MTURN: variants seen among roughly 807,000 people sequenced by gnomAD.
The protein encoded by MTURN is maturin, neural progenitor differentiation regulator homolog.
MTURN carries 7 observed loss-of-function variants against 14.9 expected under a neutral mutation model. The ratio of observed to expected loss-of-function variants is 0.47; its 90% CI spans 0.27 to 0.88. MTURN has a LOEUF of 0.88. MTURN is among the 40% of genes least tolerant of loss of function. MTURN has a pLI of 0.14. For synonymous variants in MTURN, 69 were observed against 72.5 expected (o/e 0.95, Z 0.25); for missense variants, 151 against 174.1 (o/e 0.87, Z 0.75).
At chr7:30,153,510 G>A (rs1225257802) in intron 2 of MTURN, among the ~76,000 whole-genome samples, 1 of 152,184 alleles carries the variant, frequency 6.6e-6, no homozygotes, top group Non-Finnish European at 1.5e-5. Flanking sequence ...TGTGAAGTCT[G>A]CTGTCAGATC....
chr7:30,155,620 G>C (rs993029702), intron 2 of MTURN, among the ~76,000 whole-genome samples: 16 of 152,220 alleles, frequency 1.1e-4, no homozygotes, highest in Admixed American at 1.0e-3. Flanking sequence ...TACATCCGCA[G>C]AGTCTCTGAG....
intron 2 of MTURN, among the ~76,000 whole-genome samples, chr7:30,149,438 G>C (rs531578289): frequency 6.6e-6 from 1 of 152,296 alleles, no homozygotes; most frequent in Non-Finnish European, 1.5e-5. Context: ...GGGCAAGGCT[G>C]GTGGGAGGCA....
At chr7:30,149,529 G>A (rs1194666774) in intron 2 of MTURN, among the ~76,000 whole-genome samples, 1 of 152,138 alleles carries the variant, frequency 6.6e-6, no homozygotes, top group East Asian at 1.9e-4. Context: ...GAATGAGAGG[G>A]AGCGTCACAA....
rs577619629 is a variant in MTURN, at chr7:30,159,093, C to T, written c.*1545C>T. On this transcript the variant is annotated 3_prime_UTR_variant, in exon 3 of 3. Transcript: ENST00000324453. ...ACAGCGTACTCCAGTTTTAAGTCAT[C>T]GGGTAAAATAATAGGACAGTGATTT... 8.5e-5 allele frequency: 13 copies of T among 152,290 alleles called. No individual in the cohort carries two copies. Among genetic ancestry groups the T allele is most frequent in the African/African-American group, 2.4e-4 (10 of 41,548 alleles). The allele number at this position is 152,290 out of a possible 1,614,324, so 9.4% of individuals were successfully genotyped here.
At position 30,160,421 on chromosome 7, in the gene MTURN, A is replaced by T. The variant is rs184362894; in HGVS notation, c.*2873A>T. ...ATGGCTTTTCTTTGTGCTGTGGCAG[A>T]CTGGGGCTTTGGAAGTGGTGTATGT... On this transcript the variant is annotated 3_prime_UTR_variant, in exon 3 of 3. Coordinates refer to ENST00000324453, the MANE Select transcript of MTURN (RefSeq NM_152793.3). 6.6e-6 allele frequency: 1 copy of T among 152,434 alleles called. No individual in the cohort carries two copies. 9.4% of individuals were successfully genotyped at this position (152,434 alleles called of 1,614,324 possible). A position where few individuals can be genotyped will look rare whatever the true frequency, so the allele number is the denominator to read the frequency against.
intron 2 of MTURN, 50 bp from the exon 3 acceptor site, chr7:30,157,388 G>C: frequency 6.7e-7 from 1 of 1,490,030 alleles, no homozygotes; most frequent in Non-Finnish European, 9.0e-7. Context: ...CTTCCTGCCT[G>C]TGGGCCATTT....
intron 2 of MTURN, among the ~76,000 whole-genome samples, chr7:30,149,064 G>A (rs1248530445): frequency 3.3e-5 from 5 of 152,154 alleles, no homozygotes; most frequent in African/African-American, 2.4e-5. Context: ...ACCTGGGAAG[G>A]GGAGCTCCAG....
rs117031651 is a variant in MTURN, at chr7:30,141,508, A to G, written c.163-4669A>G. On this transcript the variant is annotated intron_variant, in intron 1 of 2. Transcript: ENST00000324453. ...TCTTTTTCTGCCATCTGTTTCCAGG[A>G]CAAGAATCAGGGTTTTGTTTTGGTA... The G allele has an allele frequency of 4.5e-3, 690 of 151,712 alleles. 1 individual carries two copies. Among genetic ancestry groups the G allele is most frequent in the Non-Finnish European group, 6.3e-3 (428 of 67,978 alleles). The allele number at this position is 151,712 out of a possible 1,614,324, so 9.4% of individuals were successfully genotyped here.
chr7:30,145,295 C>G (rs1344249440), intron 1 of MTURN, among the ~76,000 whole-genome samples: 1 of 152,150 alleles, frequency 6.6e-6, no homozygotes, highest in Admixed American at 6.5e-5. Flanking sequence ...TGGATCGAGA[C>G]CAGCCTGGGC....
Position 30,135,242 on chromosome 7 carries a change from G to C in MTURN, c.106G>C (p.Asp36His), listed in dbSNP as rs773770887. ...CGAACGCAGGATGGATTTCTACGCCGACCCCGGCGTCTCCTTCTATGTGCT... is the reference window on the plus strand; with the variant it reads ...CGAACGCAGGATGGATTTCTACGCCCACCCCGGCGTCTCCTTCTATGTGCT... ...ETERRMDFYA[D>H]PGVSFYVLCP... The change falls in exon 1 of 3, where the codon GAC becomes CAC. Residue 36 changes from aspartate to histidine, a missense_variant. Transcript: ENST00000324453. The C allele has an allele frequency of 6.6e-7, 1 of 1,518,406 alleles. No individual in the cohort carries two copies. Among genetic ancestry groups the C allele is most frequent in the South Asian group, 1.2e-5 (1 of 82,698 alleles). 94.1% of individuals were successfully genotyped at this position (1,518,406 alleles called of 1,614,324 possible).
At chr7:30,148,924 C>T (rs1467992160) in intron 2 of MTURN, among the ~76,000 whole-genome samples, 1 of 152,056 alleles carries the variant, frequency 6.6e-6, no homozygotes, top group African/African-American at 2.4e-5. Flanking sequence ...AGAAGAATAC[C>T]CGTTAGCAAC....
At chr7:30,136,211 G>T (rs1411798038) in intron 1 of MTURN, among the ~76,000 whole-genome samples, 1 of 152,262 alleles carries the variant, frequency 6.6e-6, no homozygotes, top group Non-Finnish European at 1.5e-5. Context: ...CGGGAACTGG[G>T]ACTGCGGTGT....
chr7:30,137,703 A>G (rs574170024), intron 1 of MTURN: 1 of 471,098 alleles, frequency 2.1e-6, no homozygotes, highest in Non-Finnish European at 4.4e-6. Flanking sequence ...AGGTTTGTCA[A>G]GCTACTGTTT....
chr7:30,157,408 A>T (rs1397429900), intron 2 of MTURN, 30 bp from the exon 3 acceptor site: 1 of 1,537,552 alleles, frequency 6.5e-7, no homozygotes, highest in Admixed American at 2.1e-5. Flanking sequence ...TGGCGCTCAC[A>T]GCTGCTTTTC....
intron 2 of MTURN, among the ~76,000 whole-genome samples, chr7:30,152,154 C>CA (rs1488976928): frequency 6.8e-6 from 1 of 147,866 alleles, no homozygotes; most frequent in Non-Finnish European, 1.5e-5. Flanking sequence ...TTCTTTTTTC[C>CA]TTTTTTTTTT....
intron 2 of MTURN, among the ~76,000 whole-genome samples, chr7:30,154,023 C>A (rs1797249268): frequency 6.6e-6 from 1 of 152,012 alleles, no homozygotes; most frequent in African/African-American, 2.4e-5. Flanking sequence ...TGGCCTAAAC[C>A]CCCTTTAACC....
In MTURN at chr7:30,143,294, C is replaced by T. The variant is rs200354924; in HGVS notation, c.163-2883C>T. Among the ~76,000 whole-genome samples, 22 of 151,956 alleles carry T rather than the reference C, an allele frequency of 1.4e-4. 1 individual carries two copies. In the East Asian group the frequency reaches 4.1e-3, roughly 28 times the overall value. On this transcript the variant is annotated intron_variant, in intron 1 of 2. Transcript: ENST00000324453. ...TCCCGTCTGTAGTAAGTAGCCAGGC[C>T]CTCATACCTTGCTCTGTTTGTCCTG...
At chr7:30,152,799 G>A (rs1797232004) in intron 2 of MTURN, among the ~76,000 whole-genome samples, 1 of 152,268 alleles carries the variant, frequency 6.6e-6, no homozygotes, top group African/African-American at 2.4e-5. Flanking sequence ...CAAAAGACCT[G>A]TAGTCGGCCC....
Position 30,161,524 on chromosome 7 carries a change from G to A in MTURN, c.*3976G>A, listed in dbSNP as rs1046018435. ...GAGAAGCCTGTCTTTCCCAAATGCA[G>A]GCAGATCTGAGAGGGGCTCCAGGCA... On this transcript the variant is annotated 3_prime_UTR_variant, in exon 3 of 3. Transcript: ENST00000324453. 6.6e-6 allele frequency: 1 copy of A among 152,210 alleles called. No homozygotes were observed. Among genetic ancestry groups the A allele is most frequent in the Non-Finnish European group, 1.5e-5 (1 of 68,076 alleles). 9.4% of individuals were successfully genotyped at this position (152,210 alleles called of 1,614,324 possible). A position where few individuals can be genotyped will look rare whatever the true frequency, so the allele number is the denominator to read the frequency against.
Sources: gnomAD v4.1 joint callset for allele counts (sites outside exome capture counted in the v4.1 genomes callset) on GRCh38, gnomAD v4.1.1 for gene constraint, MANE v1.5 for transcripts, NCBI Gene and HGNC (gene_info 2026-07-23, HGNC 2026-07-21) for gene names.